Variants in DNAH11 observed in about 807,000 individuals in gnomAD.
DNAH11 encodes dynein axonemal heavy chain 11, also known as axonemal beta dynein heavy chain 11.
In DNAH11, 442 loss-of-function variants were observed where a neutral mutation model predicts 526.0. That is an observed-to-expected ratio of 0.84 (90% confidence interval 0.78 to 0.91). The LOEUF (loss-of-function observed/expected upper bound fraction) is 0.91, where lower values mean the gene tolerates loss of function less well. Ranked by LOEUF, DNAH11 falls within the 40% of genes least tolerant of loss-of-function variation. DNAH11 has a pLI of 0.00. For synonymous variants in DNAH11, 2,461 were observed against 1,935.9 expected, an observed-to-expected ratio of 1.27 and a Z score of -7.12; for missense variants, 6,989 against 5,448.7, an observed-to-expected ratio of 1.28 and a Z score of -8.90.
intron 72 of DNAH11, among the ~76,000 whole-genome samples, chr7:21,868,635 A>C (rs1783377834): frequency 1.3e-5 from 2 of 152,232 alleles, no homozygotes; most frequent in Admixed American, 1.3e-4. Context: ...CATTATCATA[A>C]AACCAAAGGA....
At chr7:21,585,506 A>G (rs1784452547) in intron 9 of DNAH11, among the ~76,000 whole-genome samples, 1 of 152,148 alleles carries the variant, frequency 6.6e-6, no homozygotes, top group African/African-American at 2.4e-5. Flanking sequence ...CAGGAAGGGC[A>G]CCGGAACTGA....
At chr7:21,792,293 T>G (rs781645275) in intron 61 of DNAH11, among the ~76,000 whole-genome samples, 9 of 152,164 alleles carry the variant, frequency 5.9e-5, no homozygotes, top group Non-Finnish European at 1.3e-4. Flanking sequence ...ATCTTTTCAG[T>G]GTGTGTTGTA....
chr7:21,852,404 C>G, intron 66 of DNAH11, 63 bp from the exon 67 acceptor site: 6 of 742,218 alleles, frequency 8.1e-6, no homozygotes, highest in South Asian at 1.6e-5. Flanking sequence ...AAGACTTCCT[C>G]TAAAAAAAAA....
rs149297047 is a variant in DNAH11, at chr7:21,800,147, C to G, written c.10027-990C>G. Among the ~76,000 whole-genome samples, 714 of 152,298 alleles carry G rather than the reference C, an allele frequency of 4.7e-3. 6 individuals are homozygous for G. Among genetic ancestry groups the G allele is most frequent in the African/African-American group, 0.017 (692 of 41,568 alleles). ...TGGAGTCTCTAGGGCTGTGTGACTT[C>G]TCATCTTGCTTCTCTTTTACATCCC... On this transcript the variant is annotated intron_variant, in intron 61 of 81. Coordinates refer to ENST00000409508, the MANE Select transcript of DNAH11 (RefSeq NM_001277115.2).
chr7:21,886,917 C>T (rs1452249555), intron 76 of DNAH11, among the ~76,000 whole-genome samples: 4 of 152,184 alleles, frequency 2.6e-5, no homozygotes, highest in Non-Finnish European at 5.9e-5. Flanking sequence ...AGAGGTACCT[C>T]CTCAACTCAC....
intron 8 of DNAH11, among the ~76,000 whole-genome samples, chr7:21,577,457 C>T (rs1401245170): frequency 5.3e-5 from 8 of 152,224 alleles, no homozygotes; most frequent in Non-Finnish European, 1.0e-4. Flanking sequence ...CTGTGGTGTC[C>T]GGAGACCATG....
intron 39 of DNAH11, 27 bp downstream of exon 39, chr7:21,705,564 A>T (rs757340663): frequency 1.9e-6 from 3 of 1,601,372 alleles, no homozygotes; most frequent in South Asian, 2.2e-5. Flanking sequence ...AATAGCTTAC[A>T]GCTATGGAAA....
At position 21,900,030 on chromosome 7, in the gene DNAH11, C is replaced by T. The variant is rs371929703; in HGVS notation, c.13213C>T (p.Arg4405Cys). 1.6e-4 allele frequency: 261 copies of T among 1,613,802 alleles called. No individual in the cohort carries two copies. The highest frequency in any genetic ancestry group is 3.3e-4 in the Middle Eastern group (2 of 6,084). The change falls in exon 81 of 82, where the codon CGC (arginine) becomes TGC (cysteine). Residue 4405 changes from arginine to cysteine, a missense_variant. By Grantham distance (180) the Arg-to-Cys change is radical (BLOSUM62 -3). Coordinates refer to ENST00000409508, the MANE Select transcript of DNAH11 (RefSeq NM_001277115.2). Reference sequence around the variant, plus strand: ...AAATGAGTGGCCCCTGGATAAAACGCGCTTGACTGCTGATGTTACCAAAAA... The same window carrying T: ...AAATGAGTGGCCCCTGGATAAAACGTGCTTGACTGCTGATGTTACCAAAAA... ...RKNEWPLDKTRLTADVTKKTK... is the reference protein window; with the variant it reads ...RKNEWPLDKTCLTADVTKKTK...
intron 65 of DNAH11, among the ~76,000 whole-genome samples, chr7:21,821,133 C>T (rs1218207908): frequency 1.3e-5 from 2 of 152,144 alleles, no homozygotes; most frequent in African/African-American, 4.8e-5. Flanking sequence ...ATGTTTTCTT[C>T]TGCCTTCTGT....
chr7:21,780,767 T>G (rs1787906895), intron 57 of DNAH11, among the ~76,000 whole-genome samples: 1 of 152,208 alleles, frequency 6.6e-6, no homozygotes, highest in Admixed American at 6.5e-5. Context: ...CTAAACATTT[T>G]CATTTTATCC....
At chr7:21,727,983 C>G (rs796168595) in intron 45 of DNAH11, among the ~76,000 whole-genome samples, 7 of 152,144 alleles carry the variant, frequency 4.6e-5, no homozygotes, top group African/African-American at 1.2e-4. Context: ...CCCTGTGTGT[C>G]TAAATTTCCT....
intron 54 of DNAH11, among the ~76,000 whole-genome samples, chr7:21,764,646 G>T (rs973139932): frequency 6.6e-6 from 1 of 152,162 alleles, no homozygotes; most frequent in African/African-American, 2.4e-5. Flanking sequence ...GCACACAGGA[G>T]CTGACCAGGT....
chr7:21,854,242 C>A, intron 67 of DNAH11, 73 bp from the exon 68 acceptor site: 2 of 1,519,738 alleles, frequency 1.3e-6, no homozygotes, highest in Non-Finnish European at 1.8e-6. Context: ...CAGGTACGTC[C>A]TTCCATTCCT....
intron 69 of DNAH11, 90 bp downstream of exon 69, chr7:21,862,113 T>A: frequency 2.4e-6 from 3 of 1,274,582 alleles, no homozygotes; most frequent in South Asian, 1.7e-5. Flanking sequence ...TGAAGCAAAA[T>A]ATAATAGACT....
intron 45 of DNAH11, among the ~76,000 whole-genome samples, chr7:21,735,318 G>C (rs1785555845): frequency 6.6e-6 from 1 of 152,120 alleles, no homozygotes; most frequent in Non-Finnish European, 1.5e-5. Flanking sequence ...CCCCAATGTT[G>C]GGCAGAGAGT....
At chr7:21,615,765 G>T (rs1258192944) in intron 21 of DNAH11, among the ~76,000 whole-genome samples, 1 of 152,032 alleles carries the variant, frequency 6.6e-6, no homozygotes, top group Admixed American at 6.6e-5. Context: ...TTTTATGTTA[G>T]TTGAAAGCCA....
intron 65 of DNAH11, among the ~76,000 whole-genome samples, chr7:21,836,543 C>G (rs1416579924): frequency 6.6e-6 from 1 of 152,008 alleles, no homozygotes; most frequent in African/African-American, 2.4e-5. Flanking sequence ...TAACCACATG[C>G]AGAAAAATGA....
chr7:21,834,731 A>T (rs1781926071), intron 65 of DNAH11, among the ~76,000 whole-genome samples: 1 of 152,098 alleles, frequency 6.6e-6, no homozygotes, highest in Non-Finnish European at 1.5e-5. Context: ...CTGTAGCTCT[A>T]ACTACCTGGA....
rs112069408 is a variant in DNAH11, at chr7:21,870,711, T to G, written c.11967+1720T>G. On this transcript the variant is annotated intron_variant, in intron 73 of 81. Coordinates refer to ENST00000409508, the MANE Select transcript of DNAH11 (RefSeq NM_001277115.2). Reference sequence around the variant, plus strand: ...TATTTGTTGCCCCTAAAATTGCAAGTTGTAAATTTTAACATAAAAAAAACT... The same window carrying G: ...TATTTGTTGCCCCTAAAATTGCAAGGTGTAAATTTTAACATAAAAAAAACT... Among the ~76,000 whole-genome samples the G allele has an allele frequency of 3.3e-3, 498 of 152,340 alleles. 5 individuals are homozygous for G. The highest frequency in any genetic ancestry group is 0.011 in the African/African-American group (443 of 41,594).
Sources: allele counts gnomAD v4.1 joint callset (sites outside exome capture counted in the v4.1 genomes callset), GRCh38; gene constraint gnomAD v4.1.1; transcripts MANE v1.5; gene names NCBI Gene and HGNC (gene_info 2026-07-23, HGNC 2026-07-21).